The following GPR39 variants were observed in gnomAD, a reference collection of about 807,000 sequenced individuals.
GPR39 encodes G protein-coupled receptor 39.
GPR39 carries 23 observed loss-of-function variants against 18.4 expected under a neutral mutation model. The ratio of observed to expected loss-of-function variants is 1.25; its 90% CI spans 0.90 to 1.77. GPR39 has a LOEUF of 1.77. GPR39 is among the 40% of genes most tolerant of loss of function. GPR39 has a pLI of 0.00. For synonymous variants in GPR39, 280 were observed against 257.9 expected, an observed-to-expected ratio of 1.09 and a Z score of -0.82; for missense variants, 647 against 602.4, an observed-to-expected ratio of 1.07 and a Z score of -0.78.
chr2:132,417,208 C>A lies in GPR39; in HGVS notation c.166C>A (p.Gln56Lys). The part of the protein sequence containing the change: ...LGNSATIRVT[Q>K]VLQKKGYLQK... ...GAACAGCGCCACCATTCGGGTCACC[C>A]AGGTGCTGCAGAAGAAAGGATACTT... Residue 56 changes from glutamine to lysine, a missense_variant, in exon 1 of 2, where the codon CAG (glutamine) becomes AAG (lysine). This residue lies in a region of GPR39 where 61 missense variants were observed against 79.2 expected (regional missense o/e 0.77). Coordinates refer to ENST00000329321, the MANE Select transcript of GPR39 (RefSeq NM_001508.3). 6.2e-7 allele frequency: 1 copy of A among 1,614,128 alleles called. No individual in the cohort carries two copies. The highest frequency in any genetic ancestry group is 8.5e-7 in the Non-Finnish European group (1 of 1,180,012).
intron 1 of GPR39, among the ~76,000 whole-genome samples, chr2:132,431,459 C>G (rs900665971): frequency 6.6e-6 from 1 of 152,160 alleles, no homozygotes; most frequent in African/African-American, 2.4e-5. Flanking sequence ...AAGTTTTGTT[C>G]ATAAAATGTT....
At chr2:132,457,529 A>G (rs898105113) in intron 1 of GPR39, among the ~76,000 whole-genome samples, 2 of 152,060 alleles carry the variant, frequency 1.3e-5, no homozygotes, top group Non-Finnish European at 2.9e-5. Context: ...ATTGCTGTCC[A>G]TATGTGGTGT....
At chr2:132,524,756 A>G (rs1171846134) in intron 1 of GPR39, among the ~76,000 whole-genome samples, 3 of 152,220 alleles carry the variant, frequency 2.0e-5, no homozygotes, top group Non-Finnish European at 4.4e-5. Flanking sequence ...TAAAAAATAA[A>G]TTTTAAAGAT....
At chr2:132,595,041 C>T (rs1347089248) in intron 1 of GPR39, among the ~76,000 whole-genome samples, 1 of 152,194 alleles carries the variant, frequency 6.6e-6, no homozygotes, top group Non-Finnish European at 1.5e-5. Context: ...TCTTATTGCT[C>T]AGGCTGGAGT....
intron 1 of GPR39, among the ~76,000 whole-genome samples, chr2:132,632,234 G>T (rs1681663261): frequency 6.6e-6 from 1 of 152,114 alleles, no homozygotes; most frequent in Non-Finnish European, 1.5e-5. Context: ...CAGACATTCT[G>T]CAGGAGTCTA....
chr2:132,551,718 A>G (rs748176393), intron 1 of GPR39, among the ~76,000 whole-genome samples: 1 of 152,236 alleles, frequency 6.6e-6, no homozygotes, highest in Non-Finnish European at 1.5e-5. Context: ...GTTTACCTGC[A>G]CTATATTTCA....
intron 1 of GPR39, among the ~76,000 whole-genome samples, chr2:132,605,205 G>A (rs140708768): frequency 6.6e-6 from 1 of 152,184 alleles, no homozygotes; most frequent in East Asian, 1.9e-4. Flanking sequence ...GCATATTGTA[G>A]TTCTGCAAGT....
chr2:132,474,670 A>G (rs947381957), intron 1 of GPR39, among the ~76,000 whole-genome samples: 1 of 152,200 alleles, frequency 6.6e-6, no homozygotes, highest in Non-Finnish European at 1.5e-5. Flanking sequence ...ATAGATTTCT[A>G]TTGATCGAGG....
intron 1 of GPR39, among the ~76,000 whole-genome samples, chr2:132,629,673 C>A (rs1681614282): frequency 6.6e-6 from 1 of 152,090 alleles, no homozygotes; most frequent in South Asian, 2.1e-4. Flanking sequence ...GTCTAAAAGC[C>A]CAAGTTTCTG....
At chr2:132,582,990 A>C (rs77162764) in intron 1 of GPR39, among the ~76,000 whole-genome samples, 31,220 of 141,052 alleles carry the variant, frequency 0.22, 3,568 homozygotes, top group Middle Eastern at 0.3. Context: ...ATCACAGCTC[A>C]TTGCAGCCTT....
At chr2:132,631,756 G>A (rs942099271) in intron 1 of GPR39, among the ~76,000 whole-genome samples, 6 of 151,826 alleles carry the variant, frequency 4.0e-5, no homozygotes, top group African/African-American at 4.8e-5. Flanking sequence ...GGGGAGGGGC[G>A]GAGTCAGCCT....
At chr2:132,496,096 C>G (rs1374919653) in intron 1 of GPR39, among the ~76,000 whole-genome samples, 1 of 152,182 alleles carries the variant, frequency 6.6e-6, no homozygotes, top group Non-Finnish European at 1.5e-5. Context: ...AAACCAGTCT[C>G]CCTTCCAGAG....
intron 1 of GPR39, among the ~76,000 whole-genome samples, chr2:132,618,601 C>A (rs751563041): frequency 2.6e-5 from 4 of 151,972 alleles, no homozygotes; most frequent in African/African-American, 9.7e-5. Flanking sequence ...AAACCGAGGC[C>A]ACTGCTGGAA....
chr2:132,521,290 G>C (rs771452573), intron 1 of GPR39, among the ~76,000 whole-genome samples: 3 of 152,212 alleles, frequency 2.0e-5, no homozygotes, highest in African/African-American at 7.2e-5. Flanking sequence ...TGTGAATAGC[G>C]AAAGAACAAA....
chr2:132,599,224 T>C lies in GPR39; in HGVS notation c.857-45877T>C, dbSNP rs904455718. Among the ~76,000 whole-genome samples, 21 of 152,342 alleles carry C rather than the reference T, an allele frequency of 1.4e-4. 1 individual carries two copies. The highest frequency in any genetic ancestry group is 4.8e-4 in the African/African-American group (20 of 41,574). ...TTCCAGCGGGAGGTTATGGATTTTC[T>C]TCTCTTTGGGACTCTTAAATATCTT... On this transcript the variant is annotated intron_variant, in intron 1 of 1. Transcript: ENST00000329321.
At chr2:132,533,199 CAACAGACA>C (rs1679674832) in intron 1 of GPR39, among the ~76,000 whole-genome samples, 1 of 151,594 alleles carries the variant, frequency 6.6e-6, no homozygotes, top group Admixed American at 6.6e-5. Context: ...TATACACCAA[CAACAGACA>C]AACAGAGAGC....
intron 1 of GPR39, among the ~76,000 whole-genome samples, chr2:132,535,993 A>G (rs1216519341): frequency 1.0e-5 from 1 of 100,152 alleles, no homozygotes; most frequent in Non-Finnish European, 2.0e-5. Context: ...CAGTCCCTCT[A>G]TTTTGTTAAT....
intron 1 of GPR39, among the ~76,000 whole-genome samples, chr2:132,552,188 A>G (rs1415983370): frequency 6.6e-6 from 1 of 152,162 alleles, no homozygotes; most frequent in Non-Finnish European, 1.5e-5. Flanking sequence ...TAGGTATTTG[A>G]TATATTAATA....
At chr2:132,632,495 A>T (rs904875984) in intron 1 of GPR39, among the ~76,000 whole-genome samples, 1 of 152,158 alleles carries the variant, frequency 6.6e-6, no homozygotes, top group African/African-American at 2.4e-5. Flanking sequence ...CTCAGAAAGC[A>T]TTGGACTTTT....
Sources: gnomAD v4.1 joint callset for allele counts (sites outside exome capture counted in the v4.1 genomes callset) on GRCh38, gnomAD v4.1.1 for gene constraint, gnomAD v4.1.1 regional missense constraint, MANE v1.5 for transcripts, NCBI Gene and HGNC (gene_info 2026-07-23, HGNC 2026-07-21) for gene names.